PRR16: variants seen among roughly 807,000 people sequenced by gnomAD.
PRR16 encodes protein Largen.
In PRR16, 6 loss-of-function variants were observed where a neutral mutation model predicts 18.2. The ratio of observed to expected loss-of-function variants is 0.33; its 90% CI spans 0.18 to 0.65. The LOEUF is 0.65. Among genes scored for constraint, PRR16 ranks in the 30% least tolerant of loss-of-function variants. PRR16 has a pLI of 0.74. For missense variants in PRR16, 412 were observed against 376.6 expected (o/e 1.09, Z -0.78); for synonymous variants, 151 against 147.8 (o/e 1.02, Z -0.16).
At chr5:120,547,445 C>G (rs939187802) in intron 1 of PRR16, among the ~76,000 whole-genome samples, 2 of 152,088 alleles carry the variant, frequency 1.3e-5, no homozygotes, top group Non-Finnish European at 2.9e-5. Context: ...ATCCCATACA[C>G]TCATGGCCTA....
At chr5:120,515,683 A>G (rs73264200) in intron 1 of PRR16, among the ~76,000 whole-genome samples, 29,310 of 152,162 alleles carry the variant, frequency 0.19, 3,022 homozygotes, top group Middle Eastern at 0.24. Context: ...GATATAATCT[A>G]TACTTGTATG....
At chr5:120,475,647 G>T (rs1294577967) in intron 1 of PRR16, among the ~76,000 whole-genome samples, 1 of 152,150 alleles carries the variant, frequency 6.6e-6, no homozygotes, top group Admixed American at 6.5e-5. Context: ...TGAGCTGGGA[G>T]GATCGCTTGA....
At chr5:120,693,105 T>C in the PRR16 span, among the ~76,000 whole-genome samples, 459 of 152,310 alleles carry the variant, frequency 3.0e-3, 3 homozygotes, top group African/African-American at 0.011. Flanking sequence ...ACTGTGATGA[T>C]GTAAATTATG....
chr5:120,775,522 G>C, the PRR16 span, among the ~76,000 whole-genome samples: 1 of 151,610 alleles, frequency 6.6e-6, no homozygotes, highest in Non-Finnish European at 1.5e-5. Context: ...AGCATTAATA[G>C]TTTCCTAACC....
At chr5:120,674,858 G>A (rs1399087678) in intron 1 of PRR16, among the ~76,000 whole-genome samples, 1 of 151,168 alleles carries the variant, frequency 6.6e-6, no homozygotes, top group Non-Finnish European at 1.5e-5. Flanking sequence ...ATATTTCTAA[G>A]ATTTTATTTT....
At chr5:120,741,707 T>TTCCCC in the PRR16 span, among the ~76,000 whole-genome samples, 5 of 152,110 alleles carry the variant, frequency 3.3e-5, no homozygotes, top group African/African-American at 1.2e-4. Context: ...GTTCAAGCGA[T>TTCCCC]TCCCCTGTCT....
At chr5:120,651,784 T>C (rs1328178107) in intron 1 of PRR16, among the ~76,000 whole-genome samples, 1 of 152,166 alleles carries the variant, frequency 6.6e-6, no homozygotes, top group Non-Finnish European at 1.5e-5. Flanking sequence ...CTTTGTTCTT[T>C]TGGCTTAGGA....
At chr5:120,527,279 T>G (rs535676774) in intron 1 of PRR16, among the ~76,000 whole-genome samples, 73 of 152,332 alleles carry the variant, frequency 4.8e-4, no homozygotes, top group African/African-American at 1.6e-3. Context: ...CAGATGAGAG[T>G]AACTGAGTTC....
chr5:120,594,308 A>G (rs973204948), intron 1 of PRR16, among the ~76,000 whole-genome samples: 1 of 152,054 alleles, frequency 6.6e-6, no homozygotes, highest in African/African-American at 2.4e-5. Flanking sequence ...CCTATACAGC[A>G]ACAACATCCA....
intron 1 of PRR16, among the ~76,000 whole-genome samples, chr5:120,585,128 TAAG>T (rs1753397393): frequency 6.6e-6 from 1 of 152,212 alleles, no homozygotes; most frequent in African/African-American, 2.4e-5. Flanking sequence ...AATTGTTAAA[TAAG>T]AATAAGACAG....
chr5:120,750,086 C>A, the PRR16 span, among the ~76,000 whole-genome samples: 1 of 152,042 alleles, frequency 6.6e-6, no homozygotes, highest in Non-Finnish European at 1.5e-5. Flanking sequence ...AATTGGGTAC[C>A]TTTACGTAGC....
rs535503506 is a variant in PRR16 at position 120,526,286 on chromosome 5, G to T, written c.159+61641G>T. Among the ~76,000 whole-genome samples, 23 of 152,204 alleles carry T rather than the reference G, an allele frequency of 1.5e-4. 1 individual carries two copies. The highest frequency in any genetic ancestry group is 5.2e-4 in the Admixed American group (8 of 15,296). On this transcript the variant is annotated intron_variant, in intron 1 of 1. Coordinates refer to ENST00000407149, the MANE Select transcript of PRR16 (RefSeq NM_001300783.2). ...CGTTCCACCTGTCTTCTCCTTCCCAGTAAGAACACGAATTAGGGCATCTTA... is the reference window on the plus strand; with the variant it reads ...CGTTCCACCTGTCTTCTCCTTCCCATTAAGAACACGAATTAGGGCATCTTA...
Position 120,686,414 on chromosome 5 carries a change from T to A in PRR16, c.620T>A (p.Phe207Tyr), listed in dbSNP as rs754075912. The change falls in exon 2 of 2, where the codon TTT (phenylalanine) becomes TAT (tyrosine). Residue 207 changes from phenylalanine to tyrosine, a missense_variant. Physicochemically the swap from Phe to Tyr is conservative, Grantham distance 22. Coordinates refer to ENST00000407149, the MANE Select transcript of PRR16 (RefSeq NM_001300783.2). ...PQAGPRERVR[F>Y]NEKVQYHGYC... ...GCAGGGCCTCGAGAACGAGTTCGGT[T>A]TAATGAAAAAGTACAGTACCATGGC... is the stretch of plus-strand genomic sequence containing the variant. 6.2e-7 allele frequency: 1 copy of A among 1,613,910 alleles called. No homozygotes were observed. Among genetic ancestry groups the A allele is most frequent in the East Asian group, 2.2e-5 (1 of 44,890 alleles).
At chr5:120,722,661 A>G in the PRR16 span, among the ~76,000 whole-genome samples, 24 of 152,096 alleles carry the variant, frequency 1.6e-4, no homozygotes, top group African/African-American at 5.1e-4. Flanking sequence ...TGGAAGCTCA[A>G]ATTTTCACTA....
intron 1 of PRR16, among the ~76,000 whole-genome samples, chr5:120,470,114 C>A (rs1315077833): frequency 6.6e-6 from 1 of 152,076 alleles, no homozygotes; most frequent in African/African-American, 2.4e-5. Context: ...TTTTCCCAAA[C>A]TATAGAACTT....
intron 1 of PRR16, among the ~76,000 whole-genome samples, chr5:120,655,901 T>G (rs921055773): frequency 1.3e-5 from 2 of 151,852 alleles, no homozygotes; most frequent in African/African-American, 2.4e-5. Context: ...ATAGGGATGA[T>G]AAGACAGGTT....
At chr5:120,606,980 A>T (rs1754174860) in intron 1 of PRR16, among the ~76,000 whole-genome samples, 1 of 152,200 alleles carries the variant, frequency 6.6e-6, no homozygotes, top group African/African-American at 2.4e-5. Flanking sequence ...GCATTTAACA[A>T]TGCAAAGATC....
chr5:120,547,248 A>C (rs749239393), intron 1 of PRR16, among the ~76,000 whole-genome samples: 8 of 152,126 alleles, frequency 5.3e-5, no homozygotes, highest in Non-Finnish European at 8.8e-5. Context: ...TCCTACCTCA[A>C]GCAGGCCTTG....
chr5:120,686,111 C>T lies in PRR16; in HGVS notation c.317C>T (p.Pro106Leu). Residue 106 changes from proline to leucine, a missense_variant, in exon 2 of 2, where the codon CCC becomes CTC. Coordinates refer to ENST00000407149, the MANE Select transcript of PRR16 (RefSeq NM_001300783.2). ...KVQANAPLIK[P>L]PAHPSAILTV... ...CAGGCTAATGCACCGCTTATTAAAC[C>T]CCCAGCACACCCGTCTGCTATCCTC... is the stretch of plus-strand genomic sequence containing the variant. 9.3e-6 allele frequency: 15 copies of T among 1,614,034 alleles called. No individual in the cohort carries two copies. The highest frequency in any genetic ancestry group is 1.3e-5 in the Non-Finnish European group (15 of 1,180,016).
Sources: gnomAD v4.1 joint callset for allele counts (sites outside exome capture counted in the v4.1 genomes callset) on GRCh38, gnomAD v4.1.1 for gene constraint, MANE v1.5 for transcripts, NCBI Gene and HGNC (gene_info 2026-07-23, HGNC 2026-07-21) for gene names.